The following LGALS2 variants were observed in gnomAD, a reference collection of about 807,000 sequenced individuals.
LGALS2 encodes galectin 2.
In LGALS2, 7 loss-of-function variants were observed where a neutral mutation model predicts 10.1. The ratio of observed to expected loss-of-function variants is 0.70; its 90% CI spans 0.40 to 1.31. The LOEUF (loss-of-function observed/expected upper bound fraction) is 1.31, where lower values mean the gene tolerates loss of function less well. Ranked by LOEUF, LGALS2 falls within the 50% of genes most tolerant of loss-of-function variation. The pLI is 0.01. For missense variants in LGALS2, 167 were observed against 163.6 expected (o/e 1.02, Z -0.11); for synonymous variants, 86 against 64.2 (o/e 1.34, Z -1.63).
At chr22:37,570,449 C>G in intron 3 of LGALS2, 37 bp from the exon 4 acceptor site, 2 of 1,608,432 alleles carry the variant, frequency 1.2e-6, no homozygotes, top group Non-Finnish European at 1.7e-6. Flanking sequence ...GCAGGAGGCC[C>G]TGGAAATGGG....
At chr22:37,574,732 A>AG (rs1245538557) in intron 1 of LGALS2, among the ~76,000 whole-genome samples, 1 of 152,084 alleles carries the variant, frequency 6.6e-6, no homozygotes, top group Non-Finnish European at 1.5e-5. Context: ...CCAGAAGTCA[A>AG]GGGGGCAGTG....
chr22:37,570,881 C>T (rs542563406), intron 2 of LGALS2, 146 bp from the exon 3 acceptor site: 5 of 834,094 alleles, frequency 6.0e-6, no homozygotes, highest in East Asian at 5.3e-5. Flanking sequence ...GAGGTAACAA[C>T]CTGCTCAGAC....
At chr22:37,578,191 G>T (rs950363474) in intron 1 of LGALS2, among the ~76,000 whole-genome samples, 2 of 152,202 alleles carry the variant, frequency 1.3e-5, no homozygotes, top group African/African-American at 4.8e-5. Context: ...GTCTGGTGTA[G>T]AATCAACGAA....
intron 1 of LGALS2, among the ~76,000 whole-genome samples, chr22:37,573,223 A>G (rs1012213931): frequency 1.3e-5 from 2 of 152,178 alleles, no homozygotes; most frequent in Non-Finnish European, 2.9e-5. Context: ...GTAAGACAAG[A>G]TCACGCCACT....
chr22:37,579,553 C>T (rs1295281089), intron 1 of LGALS2, among the ~76,000 whole-genome samples: 1 of 152,108 alleles, frequency 6.6e-6, no homozygotes, highest in Non-Finnish European at 1.5e-5. Context: ...CTGCCTCAGC[C>T]TCCCCATTAG....
chr22:37,577,810 C>T (rs892068360), intron 1 of LGALS2, among the ~76,000 whole-genome samples: 7 of 152,096 alleles, frequency 4.6e-5, no homozygotes, highest in Admixed American at 4.6e-4. Context: ...GACACAGAGA[C>T]GGAGACACAC....
intron 1 of LGALS2, among the ~76,000 whole-genome samples, chr22:37,576,379 G>T (rs889224130): frequency 6.6e-6 from 1 of 151,100 alleles, no homozygotes; most frequent in South Asian, 2.1e-4. Flanking sequence ...GTGAACCCGG[G>T]AGGCGGTGCT....
At chr22:37,577,999 C>T (rs1416963969) in intron 1 of LGALS2, among the ~76,000 whole-genome samples, 4 of 152,242 alleles carry the variant, frequency 2.6e-5, no homozygotes, top group Non-Finnish European at 4.4e-5. Flanking sequence ...ACAGAACAAA[C>T]GTCTATCGTG....
At chr22:37,570,976 G>A (rs1224819766) in intron 2 of LGALS2, among the ~76,000 whole-genome samples, 1 of 152,172 alleles carries the variant, frequency 6.6e-6, no homozygotes, top group Non-Finnish European at 1.5e-5. Flanking sequence ...TTCGGGAATT[G>A]GGGGTGGCTC....
At chr22:37,574,546 A>C (rs951102225) in intron 1 of LGALS2, among the ~76,000 whole-genome samples, 1 of 151,232 alleles carries the variant, frequency 6.6e-6, no homozygotes. Flanking sequence ...CAGTTTTCGC[A>C]TCTATGACCA....
intron 1 of LGALS2, among the ~76,000 whole-genome samples, chr22:37,577,940 C>T (rs1925737817): frequency 6.6e-6 from 1 of 152,186 alleles, no homozygotes; most frequent in East Asian, 1.9e-4. Context: ...TCAGCAGGAG[C>T]GTAGCCCTGT....
rs1299425203 is a variant in LGALS2, at chr22:37,573,307, T to G, written c.7-1376A>C. Among the ~76,000 whole-genome samples, 6 of 152,050 alleles carry G rather than the reference T, an allele frequency of 3.9e-5. 1 individual carries two copies. In the South Asian group the frequency reaches 1.0e-3, roughly 26 times the overall value. ...CAAACAAACGAACAAAAACTAAGAATCTATAAAACTCCGCAAGTCCTATGT... is the reference window on the plus strand; with the variant it reads ...CAAACAAACGAACAAAAACTAAGAAGCTATAAAACTCCGCAAGTCCTATGT... On this transcript the variant is annotated intron_variant, in intron 1 of 3. Transcript: ENST00000215886.
intron 1 of LGALS2, among the ~76,000 whole-genome samples, chr22:37,577,049 A>G (rs1925705269): frequency 6.6e-6 from 1 of 152,106 alleles, no homozygotes; most frequent in Non-Finnish European, 1.5e-5. Context: ...TAATTGGCAG[A>G]GGGGCCTGGG....
chr22:37,576,278 CT>C (rs1925670940), intron 1 of LGALS2, among the ~76,000 whole-genome samples: 5 of 151,884 alleles, frequency 3.3e-5, no homozygotes, highest in Middle Eastern at 3.4e-3. Flanking sequence ...CGGTGAAACC[CT>C]GTCTCTACTA....
At chr22:37,577,511 G>A (rs1925722986) in intron 1 of LGALS2, among the ~76,000 whole-genome samples, 1 of 105,048 alleles carries the variant, frequency 9.5e-6, no homozygotes, top group South Asian at 4.6e-4. Flanking sequence ...CACAACATCT[G>A]TCTAATTTTT....
chr22:37,576,312 C>T (rs562937746), intron 1 of LGALS2, among the ~76,000 whole-genome samples: 58 of 151,664 alleles, frequency 3.8e-4, no homozygotes, highest in Admixed American at 5.3e-4. Context: ...ATTAGCCGGG[C>T]GTGGTGGCAG....
At chr22:37,572,552 G>A (rs887551490) in intron 1 of LGALS2, among the ~76,000 whole-genome samples, 1 of 151,958 alleles carries the variant, frequency 6.6e-6, no homozygotes, top group African/African-American at 2.4e-5. Flanking sequence ...CGGATCACGA[G>A]GTCAGGAGAT....
chr22:37,570,628 C>A lies in LGALS2; in HGVS notation c.197G>T (p.Gly66Val). The A allele has an allele frequency of 6.2e-7, 1 of 1,614,238 alleles. No individual in the cohort carries two copies. Among genetic ancestry groups the A allele is most frequent in the Non-Finnish European group, 8.5e-7 (1 of 1,180,040 alleles). Residue 66 changes from glycine (G) to valine (V), a missense_variant, in exon 3 of 4, where the codon GGG (glycine) becomes GTG (valine). Gly to Val is a moderately radical substitution (Grantham distance 109). Transcript: ENST00000215886. ...CAGGTGATCTTCCCGTTGTTCTTGC[C>A]CCCAGTTGCTGCCGTCCAATGAGTT... is the stretch of plus-strand genomic sequence containing the variant. ...VCNSLDGSNW[G>V]QEQREDHLCF... is the part of the protein sequence containing the mutation.
chr22:37,572,363 G>A (rs1418197193), intron 1 of LGALS2, among the ~76,000 whole-genome samples: 4 of 152,224 alleles, frequency 2.6e-5, no homozygotes, highest in African/African-American at 9.6e-5. Context: ...CAGGTGCAGG[G>A]GCTCACGCCT....
Sources: gnomAD v4.1 joint callset for allele counts (sites outside exome capture counted in the v4.1 genomes callset) on GRCh38, gnomAD v4.1.1 for gene constraint, MANE v1.5 for transcripts, NCBI Gene and HGNC (gene_info 2026-07-23, HGNC 2026-07-21) for gene names.